DAB2IP: variants seen among roughly 807,000 people sequenced by gnomAD.
DAB2IP encodes disabled homolog 2-interacting protein.
DAB2IP carries 28 observed loss-of-function variants against 107.2 expected under a neutral mutation model. The ratio of observed to expected loss-of-function variants is 0.26; its 90% CI spans 0.19 to 0.36. DAB2IP has a LOEUF of 0.36. Ranked by LOEUF, DAB2IP falls within the 10% of genes least tolerant of loss-of-function variation. DAB2IP has a pLI of 1.00. For missense variants in DAB2IP, 1,400 were observed against 1,644.7 expected (o/e 0.85, Z 2.57); for synonymous variants, 755 against 706.4 (o/e 1.07, Z -1.09).
At chr9:121,757,956 A>G (rs1410671283) in intron 4 of DAB2IP, among the ~76,000 whole-genome samples, 2 of 152,176 alleles carry the variant, frequency 1.3e-5, no homozygotes, top group Non-Finnish European at 2.9e-5. Context: ...AGCCCTGGGG[A>G]AAAAACAGAA....
At chr9:121,631,593 G>A (rs61693423) in intron 1 of DAB2IP, among the ~76,000 whole-genome samples, 7,216 of 152,064 alleles carry the variant, frequency 0.047, 565 homozygotes, top group African/African-American at 0.16. Flanking sequence ...CGAGGCTGGC[G>A]GATAACAAGG....
At position 121,736,801 on chromosome 9, in the gene DAB2IP, C is replaced by T. The variant is rs1347132716; in HGVS notation, c.363-20212C>T. 6.6e-6 allele frequency among the ~76,000 whole-genome samples: 1 copy of T among 152,230 alleles called. No homozygotes were observed. The highest frequency in any genetic ancestry group is 1.5e-5 in the Non-Finnish European group (1 of 68,044). On this transcript the variant is annotated intron_variant, in intron 3 of 15. Coordinates refer to ENST00000408936, the Ensembl canonical transcript of DAB2IP. The surrounding 1 kb of genome is among the most constrained non-coding windows in gnomAD (Gnocchi z 4.6). ...ACATCTGTCGAGTGTCTACTCTGTG[C>T]CAGGCTCTGGTTCGAGGTGTGCTGG...
At chr9:121,577,727 T>C (rs572179739) in intron 1 of DAB2IP, among the ~76,000 whole-genome samples, 3 of 152,226 alleles carry the variant, frequency 2.0e-5, no homozygotes, top group African/African-American at 4.8e-5. Flanking sequence ...TCTTTGCTAA[T>C]GGTGGGGTGT....
chr9:121,641,998 T>C (rs1331114252), intron 1 of DAB2IP, among the ~76,000 whole-genome samples: 1 of 15,152 alleles, frequency 6.6e-5, no homozygotes, highest in Non-Finnish European at 1.2e-4. Context: ...CTTTCCTTTC[T>C]CTCTCTCTCT....
chr9:121,771,737 T>C (rs1227419053), intron 11 of DAB2IP, among the ~76,000 whole-genome samples: 1 of 152,014 alleles, frequency 6.6e-6, no homozygotes, highest in Non-Finnish European at 1.5e-5. Flanking sequence ...CATCTGCTGC[T>C]CTAGCCAGTT....
intron 1 of DAB2IP, among the ~76,000 whole-genome samples, chr9:121,628,967 G>T (rs959329580): frequency 6.6e-6 from 1 of 152,182 alleles, no homozygotes; most frequent in Admixed American, 6.5e-5. Context: ...TTGGAGAACT[G>T]TTGGCACCGA....
intron 3 of DAB2IP, among the ~76,000 whole-genome samples, chr9:121,703,546 C>T (rs946006127): frequency 1.3e-5 from 2 of 152,184 alleles, no homozygotes; most frequent in Non-Finnish European, 2.9e-5. Flanking sequence ...TCAGTTTGCT[C>T]ATCTGCAGAA....
In DAB2IP at chr9:121,572,800, G is replaced by A. The variant is rs1275482624; in HGVS notation, c.40+5572G>A. Among the ~76,000 whole-genome samples the A allele has an allele frequency of 3.3e-5, 5 of 152,146 alleles. No individual in the cohort carries two copies. In the East Asian group the frequency reaches 7.7e-4, roughly 23 times the overall value. The stretch of plus-strand genomic sequence containing the variant: ...CGTACAGGAGCGGGGGTTGGGCTCA[G>A]ACAGCCCGCTGGGATAAACCCTCCA... On this transcript the variant is annotated intron_variant, in intron 1 of 16. Coordinates refer to the DAB2IP transcript ENST00000259371.
At chr9:121,745,042 G>C (rs945077748) in intron 3 of DAB2IP, among the ~76,000 whole-genome samples, 1 of 152,216 alleles carries the variant, frequency 6.6e-6, no homozygotes, top group African/African-American at 2.4e-5. Flanking sequence ...AATCCTGTGG[G>C]CCAGGTGGCA....
intron 1 of DAB2IP, among the ~76,000 whole-genome samples, chr9:121,585,632 A>C (rs2118915731): frequency 6.6e-6 from 1 of 152,262 alleles, no homozygotes; most frequent in South Asian, 2.1e-4. Flanking sequence ...CAAGGCAGAC[A>C]GATCGCTTTG....
At chr9:121,673,726 G>A (rs1183027140) in intron 1 of DAB2IP, among the ~76,000 whole-genome samples, 2 of 152,158 alleles carry the variant, frequency 1.3e-5, no homozygotes, top group East Asian at 1.9e-4. Context: ...TAGAGCTTAC[G>A]GCAGGTGGCT....
In DAB2IP at chr9:121,770,830, A is replaced by G. The variant is rs890056878; in HGVS notation, c.2078+106A>G. On this transcript the variant is annotated intron_variant, in intron 11 of 15. Transcript: ENST00000408936. ...AGAGGATGCCTACATAGTGTTTATA[A>G]AACAAGCCTGGCAAGACTTGAGTTG... 4 of 1,437,550 alleles carry G rather than the reference A, an allele frequency of 2.8e-6. No individual in the cohort carries two copies. The African/African-American group carries it at 5.6e-5, about 20-fold the overall frequency. 89.0% of individuals were successfully genotyped at this position (1,437,550 alleles called of 1,614,324 possible). A position where few individuals can be genotyped will look rare whatever the true frequency, so the allele number is the denominator to read the frequency against.
At chr9:121,629,356 G>A (rs1831787032) in intron 1 of DAB2IP, among the ~76,000 whole-genome samples, 1 of 152,132 alleles carries the variant, frequency 6.6e-6, no homozygotes, top group Non-Finnish European at 1.5e-5. Flanking sequence ...CAAGCTTCAG[G>A]CTTGGTGCTT....
At chr9:121,569,677 C>T (rs1589365574) in intron 1 of DAB2IP, among the ~76,000 whole-genome samples, 1 of 152,260 alleles carries the variant, frequency 6.6e-6, no homozygotes, top group Middle Eastern at 3.4e-3. Flanking sequence ...AAAAATTAGC[C>T]AGGCATGGTG....
rs778491947 is a variant in DAB2IP, at chr9:121,772,673, G to T, written c.2145G>T (p.Arg715Ser). The change falls in exon 12 of 16, where the codon AGG becomes AGT. Residue 715 changes from arginine to serine, a missense_variant. Arg to Ser is a moderately radical substitution (Grantham distance 110). This residue lies in a region of DAB2IP where 600 missense variants were observed against 659.1 expected (regional missense o/e 0.91). Coordinates refer to ENST00000408936, the Ensembl canonical transcript of DAB2IP. This position sits in a 1 kb window ranked among gnomAD's most constrained non-coding sequence, Gnocchi z 4.7. ...ACAAGGACTTGTTTTTTGTCACAAG[G>T]TCCTCCGGGGTCCAGCCCTCACCTG... 1.9e-6 allele frequency: 3 copies of T among 1,613,944 alleles called. No individual in the cohort carries two copies. The highest frequency in any genetic ancestry group is 2.5e-6 in the Non-Finnish European group (3 of 1,179,974).
Position 121,757,301 on chromosome 9 carries a change from G to A in DAB2IP, c.516+135G>A. 6 of 1,169,290 alleles carry A rather than the reference G, an allele frequency of 5.1e-6. No homozygotes were observed. In the South Asian group the frequency reaches 1.0e-4, roughly 20 times the overall value. 72.4% of individuals were successfully genotyped at this position (1,169,290 alleles called of 1,614,324 possible). A position where few individuals can be genotyped will look rare whatever the true frequency, so the allele number is the denominator to read the frequency against. On this transcript the variant is annotated intron_variant, in intron 4 of 15. Coordinates refer to ENST00000408936, the Ensembl canonical transcript of DAB2IP. Reference sequence around the variant, plus strand: ...AGGGTCTTGGGGACAGTGGCTAGTAGTTACCGATAGCTTTCAGCTCCTAAG... The same window carrying A: ...AGGGTCTTGGGGACAGTGGCTAGTAATTACCGATAGCTTTCAGCTCCTAAG...
At chr9:121,665,417 C>T (rs1466980293) in intron 1 of DAB2IP, among the ~76,000 whole-genome samples, 1 of 152,128 alleles carries the variant, frequency 6.6e-6, no homozygotes, top group East Asian at 1.9e-4. Flanking sequence ...AAATAGTTTA[C>T]AGTTAATGAA....
At chr9:121,644,118 C>A (rs1479140590) in intron 1 of DAB2IP, among the ~76,000 whole-genome samples, 1 of 151,748 alleles carries the variant, frequency 6.6e-6, no homozygotes, top group Non-Finnish European at 1.5e-5. Flanking sequence ...TCGCAGTGAG[C>A]TATAATCCCA....
chr9:121,714,776 T>G (rs993157062), intron 3 of DAB2IP, among the ~76,000 whole-genome samples: 2 of 152,168 alleles, frequency 1.3e-5, no homozygotes, highest in African/African-American at 4.8e-5. Context: ...CTGAAGGCAG[T>G]GAGAGCCCAG....
Sources: gnomAD v4.1 joint callset for allele counts (sites outside exome capture counted in the v4.1 genomes callset) on GRCh38, gnomAD v4.1.1 for gene constraint, gnomAD v4.1.1 regional missense constraint, Gnocchi (gnomAD v3.1) non-coding constraint, MANE v1.5 for transcripts, NCBI Gene and HGNC (gene_info 2026-07-23, HGNC 2026-07-21) for gene names.